Variants in DCLK1 observed in about 807,000 individuals in gnomAD.
DCLK1 encodes doublecortin like kinase 1.
Under a neutral mutation model 86.2 loss-of-function variants are expected in DCLK1, and 16 were observed. That is an observed-to-expected ratio of 0.19 (90% CI 0.13 to 0.28). DCLK1 has a LOEUF of 0.28. Among genes scored for constraint, DCLK1 ranks in the 10% least tolerant of loss-of-function variants. The pLI is 1.00. For missense variants in DCLK1, 590 were observed against 940.2 expected (o/e 0.63, Z 4.87); for synonymous variants, 369 against 370.5 (o/e 1.00, Z 0.05).
chr13:35,967,036 C>T (rs1486892002), intron 3 of DCLK1, among the ~76,000 whole-genome samples: 3 of 151,650 alleles, frequency 2.0e-5, no homozygotes, highest in Non-Finnish European at 2.9e-5. Flanking sequence ...TCTTCCTGGC[C>T]GTCATCCCGT....
chr13:35,854,460 G>A, intron 6 of DCLK1, 39 bp downstream of exon 6: 1 of 1,520,440 alleles, frequency 6.6e-7, no homozygotes, highest in East Asian at 2.3e-5. Context: ...CACCAAGGCT[G>A]AGACAGGTCT....
intron 3 of DCLK1, among the ~76,000 whole-genome samples, chr13:36,028,930 G>A (rs1463704771): frequency 1.3e-5 from 2 of 152,192 alleles, no homozygotes; most frequent in Non-Finnish European, 2.9e-5. Context: ...GAAACCCTCA[G>A]TTCCGGGAAT....
At chr13:35,888,775 T>C (rs997418864) in intron 4 of DCLK1, among the ~76,000 whole-genome samples, 1 of 152,242 alleles carries the variant, frequency 6.6e-6, no homozygotes, top group African/African-American at 2.4e-5. Context: ...AAGGCAGTTA[T>C]CGTTGGCTAA....
chr13:35,923,109 G>C (rs1485610817), intron 4 of DCLK1, among the ~76,000 whole-genome samples: 3 of 152,110 alleles, frequency 2.0e-5, no homozygotes, highest in African/African-American at 7.2e-5. Context: ...TGAACAGGTC[G>C]ACCAGCCAGT....
intron 10 of DCLK1, among the ~76,000 whole-genome samples, chr13:35,826,733 T>C (rs963884705): frequency 2.6e-5 from 4 of 152,114 alleles, no homozygotes; most frequent in African/African-American, 9.7e-5. Context: ...TACTAAATGC[T>C]TTCCTCGTCT....
intron 3 of DCLK1, among the ~76,000 whole-genome samples, chr13:36,017,442 C>A (rs1337680165): frequency 2.0e-5 from 3 of 152,170 alleles, no homozygotes; most frequent in Non-Finnish European, 2.9e-5. Context: ...TAGTTTGATA[C>A]CCAACATTCT....
chr13:36,105,897 G>C (rs1885376169), intron 3 of DCLK1, among the ~76,000 whole-genome samples: 1 of 152,108 alleles, frequency 6.6e-6, no homozygotes, highest in Non-Finnish European at 1.5e-5. Flanking sequence ...CTGCCAGACA[G>C]AAAAGGCTCA....
At chr13:35,949,735 G>A (rs972395398) in intron 3 of DCLK1, among the ~76,000 whole-genome samples, 7 of 151,714 alleles carry the variant, frequency 4.6e-5, no homozygotes, top group Admixed American at 1.3e-4. Flanking sequence ...TAAGCAGGTT[G>A]CTAGCCAATG....
chr13:35,777,429 T>G (rs2086442217), intron 16 of DCLK1, among the ~76,000 whole-genome samples: 1 of 152,216 alleles, frequency 6.6e-6, no homozygotes, highest in Non-Finnish European at 1.5e-5. Flanking sequence ...CCCAAGCAGT[T>G]TCTTCCCATT....
intron 4 of DCLK1, among the ~76,000 whole-genome samples, chr13:35,914,330 A>ATATATATATATATATACAT (rs1875240351): frequency 2.2e-5 from 2 of 91,950 alleles, no homozygotes; most frequent in Non-Finnish European, 4.4e-5. Flanking sequence ...AGAAAAAAAA[A>ATATATATATATATATACAT]AAATATATAT....
chr13:36,094,923 AGTGAGGAAGCAGGT>A (rs1884952634), intron 3 of DCLK1, among the ~76,000 whole-genome samples: 1 of 152,218 alleles, frequency 6.6e-6, no homozygotes, highest in Non-Finnish European at 1.5e-5. Context: ...AGGAAGCAGG[AGTGAGGAAGCAGGT>A]GTGAGGAAGG....
chr13:35,980,032 C>CT (rs1358867453), intron 3 of DCLK1, among the ~76,000 whole-genome samples: 1 of 152,216 alleles, frequency 6.6e-6, no homozygotes, highest in Non-Finnish European at 1.5e-5. Flanking sequence ...TAAAGATCTC[C>CT]TGCCTTAAAC....
intron 3 of DCLK1, among the ~76,000 whole-genome samples, chr13:36,069,631 C>T (rs537225361): frequency 6.6e-6 from 1 of 152,290 alleles, no homozygotes; most frequent in Admixed American, 6.5e-5. Flanking sequence ...GAAGTCAGGT[C>T]ATCTTTCCCA....
At chr13:35,983,142 T>G (rs1879745239) in intron 3 of DCLK1, among the ~76,000 whole-genome samples, 1 of 151,584 alleles carries the variant, frequency 6.6e-6, no homozygotes. Flanking sequence ...ATTATTATTT[T>G]AGAGACAGGG....
chr13:35,900,267 G>C (rs147566368), intron 4 of DCLK1, among the ~76,000 whole-genome samples: 3 of 144,184 alleles, frequency 2.1e-5, no homozygotes, highest in Admixed American at 7.0e-5. Context: ...TTGAGACAGA[G>C]TCTCGCTCTG....
intron 3 of DCLK1, among the ~76,000 whole-genome samples, chr13:36,057,045 T>C (rs898277409): frequency 6.6e-6 from 1 of 151,930 alleles, no homozygotes; most frequent in Non-Finnish European, 1.5e-5. Context: ...TAGGTAGGCA[T>C]GCACATGTGA....
Position 35,774,138 on chromosome 13 carries a change from CAT to C in DCLK1, c.*395_*396del, listed in dbSNP as rs138931047. 0.011 allele frequency: 1,716 copies of C among 160,440 alleles called. 19 individuals carry two copies. Among genetic ancestry groups the C allele is most frequent in the Non-Finnish European group, 0.014 (1,022 of 72,776 alleles). 9.9% of individuals were successfully genotyped at this position (160,440 alleles called of 1,614,324 possible). ...CTTGATCTGCAGTAAAATCAAGAAA[CAT>C]GTGTGTATACATCCAAAGGCCTGAA... On this transcript the variant is annotated 3_prime_UTR_variant, in exon 17 of 17. Transcript: ENST00000360631.
intron 2 of DCLK1, among the ~76,000 whole-genome samples, chr13:36,123,444 T>A (rs1276107974): frequency 6.6e-6 from 1 of 152,222 alleles, no homozygotes; most frequent in Non-Finnish European, 1.5e-5. Context: ...CAGATAATTT[T>A]TTTTTCCCAA....
intron 3 of DCLK1, among the ~76,000 whole-genome samples, chr13:35,980,510 T>C (rs1214841533): frequency 1.3e-5 from 2 of 152,144 alleles, no homozygotes; most frequent in Non-Finnish European, 2.9e-5. Context: ...CTTTGTAATT[T>C]TGAATACTGT....
Sources: allele counts gnomAD v4.1 joint callset (sites outside exome capture counted in the v4.1 genomes callset), GRCh38; gene constraint gnomAD v4.1.1; transcripts MANE v1.5; gene names NCBI Gene and HGNC (gene_info 2026-07-23, HGNC 2026-07-21).